TMEM168: variants seen among roughly 807,000 people sequenced by gnomAD.
TMEM168 encodes transmembrane protein 168.
In TMEM168, 40 loss-of-function variants were observed where a neutral mutation model predicts 53.2. The observed-to-expected ratio is 0.75, with a 90% CI of 0.58 to 0.98. The LOEUF is 0.98. Ranked by LOEUF, TMEM168 falls within the 50% of genes least tolerant of loss-of-function variation. TMEM168 has a pLI of 0.00. For synonymous variants in TMEM168, 282 were observed against 293.0 expected (o/e 0.96, Z 0.38); for missense variants, 771 against 828.8 (o/e 0.93, Z 0.86).
chr7:112,788,835 C>G (rs1793462062), intron 1 of TMEM168, among the ~76,000 whole-genome samples: 1 of 152,176 alleles, frequency 6.6e-6, no homozygotes, highest in Non-Finnish European at 1.5e-5. Context: ...CCCAGGGTCA[C>G]CATCCCAATT....
intron 3 of TMEM168, among the ~76,000 whole-genome samples, chr7:112,774,083 G>GA (rs768197453): frequency 5.3e-5 from 8 of 152,024 alleles, no homozygotes; most frequent in Non-Finnish European, 8.8e-5. Flanking sequence ...TTGAAATTGG[G>GA]AAAAAACTTT....
Position 112,784,606 on chromosome 7 carries a change from CAAAAAGACCAAGAAT to C in TMEM168, c.205_219del (p.Ile69_Phe73del). ...TAGAGTATGCTGGCGATTCCAAGAA[CAAAAAGACCAAGAAT>C]AAAAATTACCAAAATTAAGGAATTT... On this transcript the variant is annotated inframe_deletion, in exon 2 of 5. Transcript: ENST00000312814. 1 of 1,611,704 alleles carries C rather than the reference CAAAAAGACCAAGAAT, an allele frequency of 6.2e-7. No individual in the cohort carries two copies.
rs537009845 is a variant in TMEM168, at chr7:112,783,318, C to G, written c.1128+380G>C. 1.1e-4 allele frequency among the ~76,000 whole-genome samples: 17 copies of G among 152,306 alleles called. 2 individuals are homozygous for G. In the South Asian group the frequency reaches 3.5e-3, roughly 32 times the overall value. Reference sequence around the variant, plus strand: ...TTAAGTAACCTTGTTCCTGCTAGTACTAGTGACTCTGGATGTGTCTTCTTT... The same window carrying G: ...TTAAGTAACCTTGTTCCTGCTAGTAGTAGTGACTCTGGATGTGTCTTCTTT... On this transcript the variant is annotated intron_variant, in intron 2 of 4. Coordinates refer to ENST00000312814, the MANE Select transcript of TMEM168 (RefSeq NM_022484.6).
chr7:112,779,872 GTA>G (rs1457228167), intron 2 of TMEM168, among the ~76,000 whole-genome samples: 1 of 152,074 alleles, frequency 6.6e-6, no homozygotes, highest in Non-Finnish European at 1.5e-5. Context: ...AAGCATTCTT[GTA>G]TGAGTCACCT....
chr7:112,783,413 G>A (rs1793282177), intron 2 of TMEM168, among the ~76,000 whole-genome samples: 1 of 152,156 alleles, frequency 6.6e-6, no homozygotes, highest in Admixed American at 6.5e-5. Flanking sequence ...CCAAATGTTA[G>A]TATTCTAAGA....
intron 2 of TMEM168, among the ~76,000 whole-genome samples, chr7:112,775,600 GA>G (rs556880288): frequency 0.068 from 7,513 of 110,450 alleles, 649 homozygotes; most frequent in African/African-American, 0.22. Context: ...ATCCAGACGA[GA>G]AAAAAAAAAA....
chr7:112,784,971 A>G lies in TMEM168; in HGVS notation c.-128-18T>C, dbSNP rs1793341340. ...ATAGTGATCTAAAAAGAAGAAAACA[A>G]TATTTCAGAGTTAATTTTATATAAT... On this transcript the variant is annotated intron_variant, in intron 1 of 4. Coordinates refer to ENST00000312814, the MANE Select transcript of TMEM168 (RefSeq NM_022484.6). The G allele has an allele frequency of 3.5e-6, 2 of 575,360 alleles. No homozygotes were observed. The highest frequency in any genetic ancestry group is 5.4e-6 in the Non-Finnish European group (2 of 372,644). 35.6% of individuals were successfully genotyped at this position (575,360 alleles called of 1,614,324 possible).
chr7:112,769,806 A>G (rs1211141274), intron 4 of TMEM168, among the ~76,000 whole-genome samples: 1 of 152,140 alleles, frequency 6.6e-6, no homozygotes, highest in African/African-American at 2.4e-5. Flanking sequence ...TGTAATTACC[A>G]TAATTGTTTT....
intron 2 of TMEM168, among the ~76,000 whole-genome samples, chr7:112,777,660 T>C (rs1412525150): frequency 6.6e-6 from 1 of 152,234 alleles, no homozygotes; most frequent in Admixed American, 6.5e-5. Flanking sequence ...CTTTGTCTAA[T>C]GTTATGTTTG....
chr7:112,771,729 G>A (rs780589239), intron 4 of TMEM168, among the ~76,000 whole-genome samples: 23 of 151,450 alleles, frequency 1.5e-4, no homozygotes, highest in Non-Finnish European at 3.1e-4. Flanking sequence ...TTCTTATATT[G>A]GCAACTCTGC....
intron 2 of TMEM168, among the ~76,000 whole-genome samples, chr7:112,779,285 T>C (rs1453590352): frequency 6.6e-6 from 1 of 152,218 alleles, no homozygotes; most frequent in Non-Finnish European, 1.5e-5. Context: ...AAAAACAGTA[T>C]TAAATATTCT....
intron 1 of TMEM168, 122 bp from the exon 2 acceptor site, chr7:112,785,075 G>A: frequency 3.2e-6 from 1 of 307,712 alleles, no homozygotes. Flanking sequence ...TTTACAACCT[G>A]ATTTGCAATA....
Position 112,784,294 on chromosome 7 carries a change from G to C in TMEM168, c.532C>G (p.Leu178Val), listed in dbSNP as rs893396606. ...ASTTMLVEKS[L>V]SVILLVVALA... Reference sequence around the variant, plus strand: ...GCTACAACAAGCAAAATGACACTCAGAGACTTCTCCACCAACATAGTTGTG... The same window carrying C: ...GCTACAACAAGCAAAATGACACTCACAGACTTCTCCACCAACATAGTTGTG... Residue 178 changes from leucine (L) to valine (V), a missense_variant, in exon 2 of 5, where the codon CTG becomes GTG. By Grantham distance (32) the Leu-to-Val change is conservative (BLOSUM62 1). Transcript: ENST00000312814. 1.2e-5 allele frequency: 19 copies of C among 1,613,996 alleles called. No homozygotes were observed. Among genetic ancestry groups the C allele is most frequent in the Non-Finnish European group, 1.5e-5 (18 of 1,180,018 alleles).
At chr7:112,779,553 G>A (rs966013730) in intron 2 of TMEM168, among the ~76,000 whole-genome samples, 1 of 152,142 alleles carries the variant, frequency 6.6e-6, no homozygotes, top group African/African-American at 2.4e-5. Flanking sequence ...AAGCCTACAA[G>A]TACTTATTCT....
At chr7:112,768,631 A>T (rs1030159613) in intron 4 of TMEM168, among the ~76,000 whole-genome samples, 9 of 152,204 alleles carry the variant, frequency 5.9e-5, no homozygotes, top group African/African-American at 2.2e-4. Flanking sequence ...TTGATTTTTA[A>T]GTATACTACA....
At chr7:112,781,141 G>T (rs574981172) in intron 2 of TMEM168, among the ~76,000 whole-genome samples, 1 of 149,680 alleles carries the variant, frequency 6.7e-6, no homozygotes, top group Non-Finnish European at 1.5e-5. Flanking sequence ...AAAAAAGACA[G>T]AATTGAAAAA....
chr7:112,777,825 T>C (rs1793126452), intron 2 of TMEM168, among the ~76,000 whole-genome samples: 1 of 151,864 alleles, frequency 6.6e-6, no homozygotes, highest in African/African-American at 2.4e-5. Context: ...TGTTTGATAA[T>C]TCCAATACCT....
chr7:112,789,535 T>C (rs1221902379), intron 1 of TMEM168, among the ~76,000 whole-genome samples: 1 of 151,708 alleles, frequency 6.6e-6, no homozygotes, highest in Non-Finnish European at 1.5e-5. Context: ...TAAGGGAGAG[T>C]CCATGAATGT....
Position 112,784,945 on chromosome 7 carries a change from T to C in TMEM168, c.-120A>G, listed in dbSNP as rs1793340496. 1 of 818,026 alleles carries C rather than the reference T, an allele frequency of 1.2e-6. No homozygotes were observed. The highest frequency in any genetic ancestry group is 3.7e-5 in the Admixed American group (1 of 27,268). The allele number at this position is 818,026 out of a possible 1,614,324, so 50.7% of individuals were successfully genotyped here. A position where few individuals can be genotyped will look rare whatever the true frequency, so the allele number is the denominator to read the frequency against. On this transcript the variant is annotated 5_prime_UTR_variant, in exon 2 of 5. It adds an upstream start codon to the 5' untranslated region. Coordinates refer to ENST00000312814, the MANE Select transcript of TMEM168 (RefSeq NM_022484.6). ...CATTTTCTCTTGTGGAAATTTTGTT[T>C]ATAGTGATCTAAAAAGAAGAAAACA...
Sources: allele counts gnomAD v4.1 joint callset (sites outside exome capture counted in the v4.1 genomes callset), GRCh38; gene constraint gnomAD v4.1.1; transcripts MANE v1.5; gene names NCBI Gene and HGNC (gene_info 2026-07-23, HGNC 2026-07-21).